The following TCF12 variants were observed in gnomAD, a reference collection of about 807,000 sequenced individuals.
TCF12 encodes transcription factor 12.
A neutral mutation model predicts 86.0 loss-of-function variants in TCF12; 45 were observed. The observed-to-expected ratio is 0.52, with a 90% confidence interval of 0.41 to 0.67. The LOEUF is 0.67. Ranked by LOEUF, TCF12 falls within the 30% of genes least tolerant of loss-of-function variation. TCF12 has a pLI of 0.00. For synonymous variants in TCF12, 330 were observed against 299.6 expected, an observed-to-expected ratio of 1.10 and a Z score of -1.05; for missense variants, 881 against 859.9, an observed-to-expected ratio of 1.02 and a Z score of -0.31.
chr15:56,926,613 G>A (rs1305087900), intron 3 of TCF12, among the ~76,000 whole-genome samples: 5 of 152,162 alleles, frequency 3.3e-5, no homozygotes, highest in East Asian at 1.9e-4. Context: ...TGATCCAAGG[G>A]CCTGTACAGT....
intron 8 of TCF12, among the ~76,000 whole-genome samples, chr15:57,217,678 G>A (rs560664557): frequency 6.6e-6 from 1 of 151,914 alleles, no homozygotes; most frequent in South Asian, 2.1e-4. Context: ...AAAAGTAAGT[G>A]TTATTTTTAA....
intron 16 of TCF12, among the ~76,000 whole-genome samples, chr15:57,261,380 A>G (rs1395768404): frequency 6.6e-6 from 1 of 152,154 alleles, no homozygotes; most frequent in African/African-American, 2.4e-5. Flanking sequence ...AAACCAAAGG[A>G]TAAACTTGCA....
chr15:57,096,921 A>T (rs1425177007), intron 5 of TCF12, among the ~76,000 whole-genome samples: 5 of 152,032 alleles, frequency 3.3e-5, no homozygotes. Context: ...GTGTCTTCCC[A>T]TTGCTGCTGG....
At chr15:56,918,115 C>T (rs1417575217), upstream of TCF12, 1 of 439,776 alleles carries the variant, frequency 2.3e-6, no homozygotes, top group Non-Finnish European at 4.6e-6. Flanking sequence ...GATGGGTCTC[C>T]CGTCTCCACA....
rs113081876 is a variant in TCF12 at position 57,042,560 on chromosome 15, C to T, written c.149-21190C>T. 2.0e-4 allele frequency among the ~76,000 whole-genome samples: 30 copies of T among 152,098 alleles called. 4 individuals carry two copies. The highest frequency in any genetic ancestry group is 5.1e-4 in the African/African-American group (21 of 41,490). On this transcript the variant is annotated intron_variant, in intron 3 of 20. Transcript: ENST00000333725. ...TCCCGAGGAGCCAGTACTACAGGCA[C>T]GCACCACCATTCCTGGCTAATTTTT...
intron 5 of TCF12, among the ~76,000 whole-genome samples, chr15:57,119,668 T>A (rs1413239179): frequency 6.6e-6 from 1 of 152,034 alleles, no homozygotes; most frequent in African/African-American, 2.4e-5. Flanking sequence ...TACTGTATAC[T>A]TTGGATTTTA....
At chr15:57,204,628 T>C (rs916452046) in intron 8 of TCF12, among the ~76,000 whole-genome samples, 4 of 152,172 alleles carry the variant, frequency 2.6e-5, no homozygotes. Context: ...ATTGGAAATA[T>C]CCTGAGGTAT....
At chr15:57,100,367 A>G (rs532486620) in intron 5 of TCF12, among the ~76,000 whole-genome samples, 1 of 151,946 alleles carries the variant, frequency 6.6e-6, no homozygotes, top group South Asian at 2.1e-4. Context: ...GAAAAGTCCT[A>G]GAGCAGCATT....
chr15:57,060,896 T>A (rs1475739559), intron 3 of TCF12, among the ~76,000 whole-genome samples: 2 of 152,226 alleles, frequency 1.3e-5, no homozygotes, highest in African/African-American at 2.4e-5. Flanking sequence ...ACAGCCATTG[T>A]CTTTAGCAGA....
chr15:57,096,460 C>G (rs150879654), intron 5 of TCF12, among the ~76,000 whole-genome samples: 23 of 152,076 alleles, frequency 1.5e-4, no homozygotes, highest in African/African-American at 5.5e-4. Flanking sequence ...AATAGAATTG[C>G]TATACAGTCA....
chr15:57,163,632 G>A (rs1398058245), intron 5 of TCF12, among the ~76,000 whole-genome samples: 2 of 152,234 alleles, frequency 1.3e-5, no homozygotes, highest in African/African-American at 4.8e-5. Context: ...GAGCCCAGAA[G>A]TTGGAGGCTG....
intron 6 of TCF12, among the ~76,000 whole-genome samples, chr15:57,170,383 CTAG>C (rs1158544392): frequency 6.6e-6 from 1 of 151,148 alleles, no homozygotes; most frequent in African/African-American, 2.4e-5. Context: ...GTCAAGAGAC[CTAG>C]GTTCAAGTCT....
rs2052210819 is a variant in TCF12, at chr15:57,132,554, GAAT to G, written c.326-33847_326-33845del. Among the ~76,000 whole-genome samples the G allele has an allele frequency of 2.6e-5, 4 of 152,248 alleles. No individual in the cohort carries two copies. In the South Asian group the frequency reaches 8.3e-4, roughly 32 times the overall value. On this transcript the variant is annotated intron_variant, in intron 5 of 20. Transcript: ENST00000333725. ...GCTCTGATGATTGATGTTCCTAATG[GAAT>G]CTAAGGACCTTTAAGGTGCCGAATT... is the stretch of plus-strand genomic sequence containing the variant.
chr15:56,936,462 G>C (rs571454711), intron 3 of TCF12, among the ~76,000 whole-genome samples: 1 of 152,098 alleles, frequency 6.6e-6, no homozygotes, highest in Non-Finnish European at 1.5e-5. Flanking sequence ...TTCTTTTGCT[G>C]TGCAGAAGCT....
chr15:57,104,941 T>A (rs1341962193), intron 5 of TCF12, among the ~76,000 whole-genome samples: 1 of 149,038 alleles, frequency 6.7e-6, no homozygotes, highest in African/African-American at 2.5e-5. Flanking sequence ...TGGTTTGATT[T>A]CTGCTCACTG....
chr15:57,178,361 G>T (rs2056104362), intron 6 of TCF12, among the ~76,000 whole-genome samples: 1 of 152,056 alleles, frequency 6.6e-6, no homozygotes, highest in Non-Finnish European at 1.5e-5. Context: ...TATAAAGTAT[G>T]GCATGCCTAA....
At chr15:57,246,459 C>G (rs1772487962) in intron 13 of TCF12, among the ~76,000 whole-genome samples, 1 of 152,106 alleles carries the variant, frequency 6.6e-6, no homozygotes, top group Admixed American at 6.6e-5. Context: ...GTCCTGGCCC[C>G]CTATGTCAGG....
intron 6 of TCF12, 131 bp from the exon 7 acceptor site, chr15:57,192,027 A>G (rs2057006691): frequency 2.0e-6 from 2 of 990,428 alleles, no homozygotes; most frequent in Non-Finnish European, 3.0e-6. Context: ...ATTGAATTCA[A>G]AACGTACTTA....
At chr15:57,007,901 C>CCTTT (rs1439163083) in intron 3 of TCF12, among the ~76,000 whole-genome samples, 1 of 55,642 alleles carries the variant, frequency 1.8e-5, no homozygotes, top group Non-Finnish European at 3.7e-5. Context: ...TTCCTTCCTT[C>CCTTT]CTTCCTTCCT....
Sources: allele counts gnomAD v4.1 joint callset (sites outside exome capture counted in the v4.1 genomes callset), GRCh38; gene constraint gnomAD v4.1.1; transcripts MANE v1.5; gene names NCBI Gene and HGNC (gene_info 2026-07-23, HGNC 2026-07-21).